Variants in EVI5 observed in about 807,000 individuals in gnomAD.
EVI5 encodes ecotropic viral integration site 5 protein homolog.
Under a neutral mutation model 112.0 loss-of-function variants are expected in EVI5, and 73 were observed. The observed-to-expected ratio is 0.65, with a 90% CI of 0.54 to 0.79. The LOEUF (loss-of-function observed/expected upper bound fraction) is 0.79, where lower values mean the gene tolerates loss of function less well. Among genes scored for constraint, EVI5 ranks in the 30% least tolerant of loss-of-function variants. The pLI, the probability that EVI5 is intolerant of heterozygous loss-of-function variation, is 0.00. For synonymous variants in EVI5, 305 were observed against 319.9 expected (o/e 0.95, Z 0.50); for missense variants, 900 against 968.8 (o/e 0.93, Z 0.94).
intron 16 of EVI5, among the ~76,000 whole-genome samples, chr1:92,621,127 A>G (rs1654471311): frequency 6.6e-6 from 1 of 152,166 alleles, no homozygotes; most frequent in Non-Finnish European, 1.5e-5. Flanking sequence ...TGTGAAGATA[A>G]AAATGGAATC....
chr1:92,578,961 C>T (rs1671518004), intron 18 of EVI5, among the ~76,000 whole-genome samples: 1 of 152,114 alleles, frequency 6.6e-6, no homozygotes, highest in Non-Finnish European at 1.5e-5. Flanking sequence ...GATCCTCCTG[C>T]CTCAGTCTCG....
At chr1:92,640,261 A>G (rs925537255) in intron 13 of EVI5, among the ~76,000 whole-genome samples, 2 of 152,234 alleles carry the variant, frequency 1.3e-5, no homozygotes, top group Non-Finnish European at 2.9e-5. Flanking sequence ...AAACTGACAA[A>G]TGGGATCTAA....
intron 19 of EVI5, among the ~76,000 whole-genome samples, chr1:92,524,386 A>C (rs1427273543): frequency 6.6e-6 from 1 of 152,244 alleles, no homozygotes; most frequent in Non-Finnish European, 1.5e-5. Flanking sequence ...CCATTTTCAC[A>C]CTGTCCACTG....
intron 19 of EVI5, among the ~76,000 whole-genome samples, chr1:92,546,897 T>C (rs1022666485): frequency 5.3e-5 from 8 of 152,052 alleles, no homozygotes; most frequent in African/African-American, 1.7e-4. Context: ...ACAATAATAA[T>C]GAGAGACTTT....
chr1:92,664,494 A>AAAC lies in EVI5; in HGVS notation c.1213-1043_1213-1042insGTT, dbSNP rs900298511. Among the ~76,000 whole-genome samples, 35 of 151,816 alleles carry AAAC rather than the reference A, an allele frequency of 2.3e-4. No individual in the cohort carries two copies. The East Asian group carries it at 4.4e-3, about 19-fold the overall frequency. On this transcript the variant is annotated intron_variant, in intron 11 of 19. Transcript: ENST00000684568. ...TCTTACTCCAAAGATTTAAAAAAAA[A>AAAC]AAAAAACTAAGAAGATGCATATTTG...
intron 19 of EVI5, among the ~76,000 whole-genome samples, chr1:92,538,433 G>GAA (rs1049046320): frequency 1.3e-5 from 2 of 152,170 alleles, no homozygotes; most frequent in African/African-American, 4.8e-5. Flanking sequence ...ACACCCTCAT[G>GAA]AAAATGAAGT....
At chr1:92,607,474 C>T (rs913028364) in intron 17 of EVI5, 107 bp downstream of exon 17, 5 of 775,512 alleles carry the variant, frequency 6.4e-6, no homozygotes, top group African/African-American at 1.8e-5. Flanking sequence ...GAAAATAGGA[C>T]GAGCTTTTTT....
At chr1:92,745,774 C>G (rs192760633) in intron 1 of EVI5, among the ~76,000 whole-genome samples, 11 of 152,312 alleles carry the variant, frequency 7.2e-5, no homozygotes, top group African/African-American at 2.6e-4. Flanking sequence ...CCACTGCACT[C>G]TAGCCTGGGC....
chr1:92,591,638 C>G (rs1369025608), intron 18 of EVI5, among the ~76,000 whole-genome samples: 2 of 152,182 alleles, frequency 1.3e-5, no homozygotes, highest in Non-Finnish European at 2.9e-5. Context: ...TACAAAAAGA[C>G]TTAGACTCCC....
intron 19 of EVI5, among the ~76,000 whole-genome samples, chr1:92,554,624 G>A (rs1206594934): frequency 6.6e-6 from 1 of 152,094 alleles, no homozygotes; most frequent in Non-Finnish European, 1.5e-5. Context: ...AGATAAAACA[G>A]AACATATAAG....
At chr1:92,678,386 C>T (rs11164795) in intron 9 of EVI5, among the ~76,000 whole-genome samples, 2,665 of 151,974 alleles carry the variant, frequency 0.018, 92 homozygotes, top group African/African-American at 0.061. Context: ...CAAAAATTAG[C>T]CAGGTGCGGT....
intron 1 of EVI5, among the ~76,000 whole-genome samples, chr1:92,752,322 G>A (rs960718064): frequency 1.3e-5 from 2 of 151,942 alleles, no homozygotes; most frequent in Admixed American, 6.5e-5. Context: ...TTACAGGCAC[G>A]TGCCACCACG....
In EVI5 at chr1:92,622,307, A is replaced by T. The variant is rs1361016802; in HGVS notation, c.1827+1869T>A. On this transcript the variant is annotated intron_variant, in intron 16 of 19. Coordinates refer to ENST00000684568, the MANE Select transcript of EVI5 (RefSeq NM_001350197.2). ...TGTACTTGGTTTTACGCATTAAAAA[A>T]TATTATTTTAAGAAGGGGTCCACAG... 4 of 450,638 alleles carry T rather than the reference A, an allele frequency of 8.9e-6. No individual in the cohort carries two copies. The East Asian group carries it at 2.8e-4, about 32-fold the overall frequency. The allele number at this position is 450,638 out of a possible 1,614,324, so 27.9% of individuals were successfully genotyped here.
chr1:92,782,658 C>T (rs1242546562), intron 1 of EVI5, among the ~76,000 whole-genome samples: 1 of 152,098 alleles, frequency 6.6e-6, no homozygotes, highest in Admixed American at 6.5e-5. Context: ...TTGGTAGAAC[C>T]ACTTTGGGAA....
intron 9 of EVI5, among the ~76,000 whole-genome samples, chr1:92,683,258 T>C (rs530088570): frequency 6.6e-5 from 10 of 152,306 alleles, no homozygotes; most frequent in African/African-American, 2.4e-4. Flanking sequence ...CCGCTGATGA[T>C]ACCCATGCAA....
At chr1:92,640,946 A>T (rs1659845921) in intron 13 of EVI5, among the ~76,000 whole-genome samples, 1 of 152,156 alleles carries the variant, frequency 6.6e-6, no homozygotes, top group Non-Finnish European at 1.5e-5. Context: ...AGAAGCCATC[A>T]TCCTCAGCAA....
At chr1:92,631,011 A>G (rs1161728178) in intron 14 of EVI5, among the ~76,000 whole-genome samples, 1 of 152,046 alleles carries the variant, frequency 6.6e-6, no homozygotes, top group Non-Finnish European at 1.5e-5. Flanking sequence ...GGGCTGTTCC[A>G]TTGGTCTGTT....
Position 92,509,748 on chromosome 1 carries a change from T to C in EVI5, c.*3908A>G, listed in dbSNP as rs201338586. ...GCAATTTCCATTTTATTCACATCAC[T>C]TGTATCCTCTACTCTCAGCTTGTCA... On this transcript the variant is annotated 3_prime_UTR_variant, in exon 20 of 20. Transcript: ENST00000684568. 2.0e-5 allele frequency: 3 copies of C among 152,290 alleles called. No individual in the cohort carries two copies. The East Asian group carries it at 5.8e-4, about 29-fold the overall frequency. The allele number at this position is 152,290 out of a possible 1,614,324, so 9.4% of individuals were successfully genotyped here. A position where few individuals can be genotyped will look rare whatever the true frequency, so the allele number is the denominator to read the frequency against.
intron 1 of EVI5, chr1:92,756,827 TG>T: frequency 3.9e-6 from 2 of 513,510 alleles, no homozygotes; most frequent in Non-Finnish European, 4.0e-6. Context: ...CTTGGGCACA[TG>T]CGCACTGGTA....
Sources: gnomAD v4.1 joint callset for allele counts (sites outside exome capture counted in the v4.1 genomes callset) on GRCh38, gnomAD v4.1.1 for gene constraint, MANE v1.5 for transcripts, NCBI Gene and HGNC (gene_info 2026-07-23, HGNC 2026-07-21) for gene names.